Variants in ELMO1 observed in about 807,000 individuals in gnomAD.
The protein encoded by ELMO1 is engulfment and cell motility protein 1.
ELMO1 carries 26 observed loss-of-function variants against 98.9 expected under a neutral mutation model. That is an observed-to-expected ratio of 0.26 (90% CI 0.19 to 0.36). ELMO1 has a LOEUF of 0.36. Among genes scored for constraint, ELMO1 ranks in the 10% least tolerant of loss-of-function variants. ELMO1 has a pLI of 1.00. For missense variants in ELMO1, 627 were observed against 935.2 expected, an observed-to-expected ratio of 0.67 and a Z score of 4.30; for synonymous variants, 346 against 346.0, an observed-to-expected ratio of 1.00 and a Z score of 0.00.
At chr7:36,929,344 C>G (rs1785839823) in intron 16 of ELMO1, among the ~76,000 whole-genome samples, 2 of 152,230 alleles carry the variant, frequency 1.3e-5, no homozygotes, top group Admixed American at 6.5e-5. Flanking sequence ...CGTTAAGTCT[C>G]CTGCCTCTCA....
chr7:37,419,595 A>C (rs1265844865), intron 1 of ELMO1: 2 of 148,174 alleles, frequency 1.3e-5, no homozygotes, highest in African/African-American at 5.0e-5. Flanking sequence ...ATTGTATACA[A>C]TTTGCTAGAT....
intron 10 of ELMO1, among the ~76,000 whole-genome samples, chr7:37,217,361 G>T (rs932031918): frequency 3.3e-5 from 5 of 152,144 alleles, no homozygotes; most frequent in Admixed American, 2.6e-4. Flanking sequence ...TATAAATATT[G>T]ACAAGTGGAG....
At chr7:37,423,406 C>A (rs1290256648) in intron 1 of ELMO1, among the ~76,000 whole-genome samples, 2 of 152,144 alleles carry the variant, frequency 1.3e-5, no homozygotes, top group East Asian at 3.9e-4. Flanking sequence ...ATGGTGAAAG[C>A]CCATCTCTAC....
chr7:37,145,657 C>T (rs1787934061), intron 13 of ELMO1, among the ~76,000 whole-genome samples: 1 of 152,142 alleles, frequency 6.6e-6, no homozygotes. Flanking sequence ...CCTTTATTAG[C>T]GTGGATAATA....
intron 15 of ELMO1, among the ~76,000 whole-genome samples, chr7:37,091,327 G>A (rs1009070605): frequency 3.3e-5 from 5 of 152,032 alleles, no homozygotes; most frequent in Admixed American, 1.3e-4. Flanking sequence ...GGCTGGTCTC[G>A]AACTCCTGAC....
At chr7:36,960,759 G>A (rs936056886) in intron 16 of ELMO1, among the ~76,000 whole-genome samples, 1 of 152,002 alleles carries the variant, frequency 6.6e-6, no homozygotes, top group African/African-American at 2.4e-5. Context: ...CTGTAAAAAG[G>A]CAGCTTGGAG....
At chr7:36,945,550 GCT>G (rs1426290147) in intron 16 of ELMO1, among the ~76,000 whole-genome samples, 1 of 152,146 alleles carries the variant, frequency 6.6e-6, no homozygotes, top group Non-Finnish European at 1.5e-5. Flanking sequence ...AGAGTTATGG[GCT>G]CTTAGTTGCA....
intron 1 of ELMO1, among the ~76,000 whole-genome samples, chr7:37,361,590 AAAG>A (rs1406743644): frequency 6.6e-6 from 1 of 152,238 alleles, no homozygotes; most frequent in East Asian, 1.9e-4. Context: ...ACGCTAAATA[AAAG>A]AAGTCAGTTA....
intron 2 of ELMO1, among the ~76,000 whole-genome samples, chr7:37,327,557 G>A (rs901391243): frequency 4.6e-5 from 7 of 152,162 alleles, no homozygotes; most frequent in African/African-American, 1.7e-4. Flanking sequence ...ACACTGAAAG[G>A]AACAAGTGAC....
intron 2 of ELMO1, among the ~76,000 whole-genome samples, chr7:37,341,266 T>C (rs1281254869): frequency 1.3e-5 from 2 of 152,214 alleles, no homozygotes; most frequent in Non-Finnish European, 2.9e-5. Flanking sequence ...CCAACTTCCA[T>C]CTCACTGAAG....
intron 21 of ELMO1, among the ~76,000 whole-genome samples, chr7:36,857,425 A>T (rs1802286081): frequency 6.6e-6 from 1 of 152,096 alleles, no homozygotes; most frequent in African/African-American, 2.4e-5. Context: ...TACATTCTCA[A>T]AGGCCCCTTC....
At chr7:37,447,666 C>T (rs1267677043) in intron 1 of ELMO1, among the ~76,000 whole-genome samples, 1 of 150,960 alleles carries the variant, frequency 6.6e-6, no homozygotes, top group African/African-American at 2.4e-5. Context: ...CACTCACACA[C>T]ACACCGACGA....
At chr7:37,158,144 C>CA (rs1788934479) in intron 13 of ELMO1, among the ~76,000 whole-genome samples, 1 of 152,134 alleles carries the variant, frequency 6.6e-6, no homozygotes, top group South Asian at 2.1e-4. Flanking sequence ...ACACCTTATA[C>CA]AAAAATTAAC....
intron 13 of ELMO1, among the ~76,000 whole-genome samples, chr7:37,195,776 T>C (rs752616216): frequency 1.1e-4 from 17 of 152,266 alleles, no homozygotes; most frequent in Non-Finnish European, 2.5e-4. Context: ...TCCCTCTTCC[T>C]GGTCTCCATT....
At chr7:37,249,747 T>C (rs555680322) in intron 6 of ELMO1, among the ~76,000 whole-genome samples, 1 of 152,280 alleles carries the variant, frequency 6.6e-6, no homozygotes, top group East Asian at 1.9e-4. Flanking sequence ...ATAAATTAAA[T>C]ATCCACAAAA....
intron 1 of ELMO1, among the ~76,000 whole-genome samples, chr7:37,386,198 A>C (rs780831329): frequency 6.6e-6 from 1 of 152,210 alleles, no homozygotes; most frequent in Non-Finnish European, 1.5e-5. Context: ...AACGGTGTGC[A>C]GCCAGAAAGT....
At chr7:37,378,890 G>C (rs1334498796) in intron 1 of ELMO1, among the ~76,000 whole-genome samples, 1 of 152,048 alleles carries the variant, frequency 6.6e-6, no homozygotes, top group Non-Finnish European at 1.5e-5. Flanking sequence ...CTCGTAACTG[G>C]TCCTTTGCAT....
At chr7:37,440,397 G>A (rs562805272) in intron 1 of ELMO1, among the ~76,000 whole-genome samples, 6 of 150,934 alleles carry the variant, frequency 4.0e-5, no homozygotes, top group South Asian at 2.1e-4. Context: ...AGCCACGATC[G>A]TGCCACTGCA....
chr7:37,123,986 T>C (rs575025756), intron 14 of ELMO1, among the ~76,000 whole-genome samples: 3 of 152,188 alleles, frequency 2.0e-5, no homozygotes, highest in Non-Finnish European at 4.4e-5. Context: ...GTTCAACATA[T>C]GCAAATCCAT....
Sources: gnomAD v4.1 joint callset for allele counts (sites outside exome capture counted in the v4.1 genomes callset) on GRCh38, gnomAD v4.1.1 for gene constraint, MANE v1.5 for transcripts, NCBI Gene and HGNC (gene_info 2026-07-23, HGNC 2026-07-21) for gene names.